Variants in SORCS1 observed in about 807,000 individuals in gnomAD.
SORCS1 encodes VPS10 domain-containing receptor SorCS1.
A neutral mutation model predicts 146.1 loss-of-function variants in SORCS1; 60 were observed. The observed-to-expected ratio is 0.41, with a 90% CI of 0.33 to 0.51. The LOEUF is 0.51. Among genes scored for constraint, SORCS1 ranks in the 20% least tolerant of loss-of-function variants. The pLI, the probability that SORCS1 is intolerant of heterozygous loss-of-function variation, is 0.21. For synonymous variants in SORCS1, 637 were observed against 584.0 expected (o/e 1.09, Z -1.31); for missense variants, 1,352 against 1,487.6 (o/e 0.91, Z 1.50).
intron 3 of SORCS1, among the ~76,000 whole-genome samples, chr10:106,794,501 CTTTTTTTT>C (rs35647552): frequency 7.9e-6 from 1 of 126,064 alleles, no homozygotes; most frequent in East Asian, 2.2e-4. Flanking sequence ...TTTTCTTTTT[CTTTTTTTT>C]TTTTTTTTTT....
chr10:107,164,547 G>T lies in SORCS1; in HGVS notation c.-21C>A. 1 of 1,335,006 alleles carries T rather than the reference G, an allele frequency of 7.5e-7. No individual in the cohort carries two copies. Among genetic ancestry groups the T allele is most frequent in the South Asian group, 2.0e-5 (1 of 49,190 alleles). 82.7% of individuals were successfully genotyped at this position (1,335,006 alleles called of 1,614,324 possible). On this transcript the variant is annotated 5_prime_UTR_variant, in exon 1 of 26. Coordinates refer to ENST00000263054, the MANE Select transcript of SORCS1 (RefSeq NM_052918.5). This position sits in a 1 kb window ranked among gnomAD's most constrained non-coding sequence, Gnocchi z 6.8. ...CCCATCGCGGGAGCGAAGAGCAGCG[G>T]AGAGAGGGGTCCCAGAACGAAGGTG...
At chr10:106,869,791 A>T (rs1950341352) in intron 2 of SORCS1, among the ~76,000 whole-genome samples, 5 of 152,200 alleles carry the variant, frequency 3.3e-5, no homozygotes. Context: ...CAAGACAAGG[A>T]TGCCCTCTCT....
chr10:106,866,325 C>T (rs1054517964), intron 2 of SORCS1, among the ~76,000 whole-genome samples: 1 of 152,190 alleles, frequency 6.6e-6, no homozygotes, highest in African/African-American at 2.4e-5. Flanking sequence ...TCCAACCCCA[C>T]TCATTACCAG....
intron 19 of SORCS1, 88 bp from the exon 20 acceptor site, chr10:106,620,649 C>T (rs1847680436): frequency 1.4e-6 from 2 of 1,463,182 alleles, no homozygotes; most frequent in African/African-American, 2.8e-5. Flanking sequence ...CACATTTACT[C>T]TTGAAGCCCC....
In SORCS1 at chr10:106,577,208, TG is replaced by T; in HGVS notation, c.*211del. The T allele has an allele frequency of 6.4e-7, 1 of 1,552,128 alleles. No individual in the cohort carries two copies. The highest frequency in any genetic ancestry group is 8.7e-7 in the Non-Finnish European group (1 of 1,146,998). ...TTTGTTTTTGTTTTTGTTTTTTTAC[TG>T]GCGTCCTCCATTCAAACATTTACAT... On this transcript the variant is annotated 3_prime_UTR_variant, in exon 26 of 26. Transcript: ENST00000263054.
At chr10:106,591,257 G>A (rs374585152) in intron 24 of SORCS1, among the ~76,000 whole-genome samples, 3 of 152,070 alleles carry the variant, frequency 2.0e-5, no homozygotes, top group East Asian at 1.9e-4. Flanking sequence ...TTTCTGGGAC[G>A]TAGAACTCCA....
chr10:107,131,955 C>T (rs1177776165), intron 1 of SORCS1, among the ~76,000 whole-genome samples: 1 of 152,198 alleles, frequency 6.6e-6, no homozygotes, highest in Non-Finnish European at 1.5e-5. Flanking sequence ...TGAACCACTG[C>T]TGTTGGCTGA....
chr10:106,608,213 G>A (rs956023129), intron 22 of SORCS1, among the ~76,000 whole-genome samples: 1 of 152,154 alleles, frequency 6.6e-6, no homozygotes, highest in African/African-American at 2.4e-5. Flanking sequence ...CTGCAATATG[G>A]TCCCATGCTT....
At chr10:106,626,846 C>T (rs949381760) in intron 19 of SORCS1, among the ~76,000 whole-genome samples, 13 of 152,220 alleles carry the variant, frequency 8.5e-5, no homozygotes, top group African/African-American at 3.1e-4. Context: ...ACAGTTAGTA[C>T]CAAAAAGCCA....
chr10:106,963,507 C>T (rs1319826100), intron 1 of SORCS1, among the ~76,000 whole-genome samples: 1 of 152,116 alleles, frequency 6.6e-6, no homozygotes, highest in East Asian at 1.9e-4. Context: ...ATGCATGTTC[C>T]AGATTGTGTG....
At chr10:106,930,874 G>A (rs998029522) in intron 2 of SORCS1, among the ~76,000 whole-genome samples, 2 of 152,080 alleles carry the variant, frequency 1.3e-5, no homozygotes, top group African/African-American at 4.8e-5. Flanking sequence ...ATCAAGACAT[G>A]GGGAATCTGC....
chr10:107,139,383 T>C (rs1431754785), intron 1 of SORCS1, among the ~76,000 whole-genome samples: 1 of 152,244 alleles, frequency 6.6e-6, no homozygotes, highest in Non-Finnish European at 1.5e-5. Context: ...TCTATTACTA[T>C]TTATCTATCT....
chr10:106,582,861 T>C (rs1403492305), intron 24 of SORCS1, among the ~76,000 whole-genome samples: 1 of 152,204 alleles, frequency 6.6e-6, no homozygotes, highest in East Asian at 1.9e-4. Flanking sequence ...GGAACGATAA[T>C]AATGGGAACA....
chr10:106,644,609 C>A (rs1296175205), intron 18 of SORCS1, among the ~76,000 whole-genome samples: 1 of 152,258 alleles, frequency 6.6e-6, no homozygotes, highest in East Asian at 1.9e-4. Context: ...TTGTGTTCTG[C>A]CCGCCTTGGC....
At chr10:106,749,799 C>T (rs567045972) in intron 5 of SORCS1, among the ~76,000 whole-genome samples, 1 of 152,266 alleles carries the variant, frequency 6.6e-6, no homozygotes, top group South Asian at 2.1e-4. Flanking sequence ...TGTAACCAAC[C>T]TGAATGATCT....
At chr10:106,876,214 G>A (rs1349211370) in intron 2 of SORCS1, among the ~76,000 whole-genome samples, 1 of 152,068 alleles carries the variant, frequency 6.6e-6, no homozygotes, top group Non-Finnish European at 1.5e-5. Flanking sequence ...GACATTGAGG[G>A]CGCGGTTTTT....
chr10:106,852,909 G>A (rs1315161568), intron 2 of SORCS1, among the ~76,000 whole-genome samples: 1 of 152,152 alleles, frequency 6.6e-6, no homozygotes. Flanking sequence ...GTTCATGAGA[G>A]ATAATTGTCT....
At chr10:106,986,911 T>TTAAG (rs1260507232) in intron 1 of SORCS1, among the ~76,000 whole-genome samples, 1 of 152,212 alleles carries the variant, frequency 6.6e-6, no homozygotes, top group Non-Finnish European at 1.5e-5. Context: ...AATAGTTGCT[T>TTAAG]TAAGTCTTTG....
intron 5 of SORCS1, among the ~76,000 whole-genome samples, chr10:106,752,434 T>C (rs1042193663): frequency 2.0e-5 from 3 of 152,162 alleles, no homozygotes; most frequent in African/African-American, 7.2e-5. Context: ...TGCTAAAAAT[T>C]AATCATTGCT....
Sources: gnomAD v4.1 joint callset for allele counts (sites outside exome capture counted in the v4.1 genomes callset) on GRCh38, gnomAD v4.1.1 for gene constraint, Gnocchi (gnomAD v3.1) non-coding constraint, MANE v1.5 for transcripts, NCBI Gene and HGNC (gene_info 2026-07-23, HGNC 2026-07-21) for gene names.